HTR5A: variants seen among roughly 807,000 people sequenced by gnomAD.
HTR5A encodes 5-hydroxytryptamine receptor 5A.
A neutral mutation model predicts 24.3 loss-of-function variants in HTR5A; 21 were observed. That is an observed-to-expected ratio of 0.86 (90% CI 0.61 to 1.24). The LOEUF is 1.24. Among genes scored for constraint, HTR5A ranks in the 50% most tolerant of loss-of-function variants. The pLI is 0.00. For missense variants in HTR5A, 497 were observed against 489.5 expected (o/e 1.02, Z -0.15); for synonymous variants, 260 against 213.7 (o/e 1.22, Z -1.89).
chr7:155,075,997 C>T (rs1006389702), intron 1 of HTR5A, among the ~76,000 whole-genome samples: 3 of 152,316 alleles, frequency 2.0e-5, no homozygotes, highest in South Asian at 2.1e-4. Context: ...AATGGCCTAA[C>T]CTATGGCCCT....
chr7:155,073,879 A>G (rs796713065), intron 1 of HTR5A, among the ~76,000 whole-genome samples: 236 of 8,794 alleles, frequency 0.027, 5 homozygotes, highest in Non-Finnish European at 0.036. Context: ...ATATATATGT[A>G]TATATATATG....
chr7:155,070,362 G>A lies in HTR5A; in HGVS notation c.-538G>A, dbSNP rs1183739381. ...CGGAGCTGCAGCCTCCGAAGGGGTG[G>A]CGGGGGCAACAGGGACAGAAGGCAG... is the stretch of plus-strand genomic sequence containing the variant. On this transcript the variant is annotated 5_prime_UTR_variant, in exon 1 of 2. Coordinates refer to ENST00000287907, the MANE Select transcript of HTR5A (RefSeq NM_024012.4). 5 of 454,762 alleles carry A rather than the reference G, an allele frequency of 1.1e-5. No homozygotes were observed. The highest frequency in any genetic ancestry group is 2.2e-5 in the Non-Finnish European group (5 of 226,414). The allele number at this position is 454,762 out of a possible 1,614,324, so 28.2% of individuals were successfully genotyped here. A position where few individuals can be genotyped will look rare whatever the true frequency, so the allele number is the denominator to read the frequency against.
At position 155,071,588 on chromosome 7, in the gene HTR5A, G is replaced by A. The variant is rs910479674; in HGVS notation, c.689G>A (p.Arg230His). The change falls in exon 1 of 2, where the codon CGC becomes CAC. Residue 230 changes from arginine (R) to histidine (H), a missense_variant. Physicochemically the swap from Arg to His is conservative, Grantham distance 29. Coordinates refer to ENST00000287907, the MANE Select transcript of HTR5A (RefSeq NM_024012.4). ...YWKIYKAAKFRVGSRKTNSVS... is the reference protein window; with the variant it reads ...YWKIYKAAKFHVGSRKTNSVS... The stretch of plus-strand genomic sequence containing the variant: ...AAGATCTACAAGGCTGCCAAGTTCC[G>A]CGTGGGCTCCAGGAAGACCAATAGC... 1.2e-6 allele frequency: 2 copies of A among 1,614,040 alleles called. No individual in the cohort carries two copies. The highest frequency in any genetic ancestry group is 1.7e-6 in the Non-Finnish European group (2 of 1,180,046).
At position 155,084,329 on chromosome 7, in the gene HTR5A, C is replaced by A. The variant is rs776532195; in HGVS notation, c.916C>A (p.Leu306Ile). ...LCWIPFFLTE[L>I]ISPLCSCDIP... Reference sequence around the variant, plus strand: ...CTGGATCCCCTTCTTTCTCACCGAGCTCATCAGTCCCCTCTGCTCCTGTGA... The same window carrying A: ...CTGGATCCCCTTCTTTCTCACCGAGATCATCAGTCCCCTCTGCTCCTGTGA... Residue 306 changes from leucine to isoleucine, a missense_variant, in exon 2 of 2, where the codon CTC (leucine) becomes ATC (isoleucine). Physicochemically the swap from Leu to Ile is conservative, Grantham distance 5 (BLOSUM62 2). Transcript: ENST00000287907. 4.3e-6 allele frequency: 7 copies of A among 1,614,044 alleles called. No individual in the cohort carries two copies. The highest frequency in any genetic ancestry group is 5.9e-6 in the Non-Finnish European group (7 of 1,180,044).
intron 1 of HTR5A, among the ~76,000 whole-genome samples, chr7:155,083,815 G>A (rs1325573152): frequency 6.6e-6 from 1 of 152,218 alleles, no homozygotes; most frequent in Non-Finnish European, 1.5e-5. Context: ...GGACACTTTT[G>A]ATGAAGTGTG....
At chr7:155,082,487 C>T (rs1198380952) in intron 1 of HTR5A, among the ~76,000 whole-genome samples, 1 of 152,180 alleles carries the variant, frequency 6.6e-6, no homozygotes, top group African/African-American at 2.4e-5. Flanking sequence ...TACCAGCATC[C>T]TTTATGTGAC....
intron 1 of HTR5A, among the ~76,000 whole-genome samples, chr7:155,080,854 T>G (rs1016359144): frequency 2.6e-5 from 4 of 152,176 alleles, no homozygotes; most frequent in African/African-American, 9.7e-5. Context: ...TGGGATTTTC[T>G]GCTGGAATGG....
intron 1 of HTR5A, among the ~76,000 whole-genome samples, chr7:155,080,346 GA>G (rs1795402369): frequency 6.6e-6 from 1 of 152,160 alleles, no homozygotes; most frequent in African/African-American, 2.4e-5. Context: ...CTTATCCAAG[GA>G]CATAGTTGGT....
chr7:155,070,815 G>A lies in HTR5A; in HGVS notation c.-85G>A, dbSNP rs1016903169. 8 of 1,401,662 alleles carry A rather than the reference G, an allele frequency of 5.7e-6. No individual in the cohort carries two copies. In the East Asian group the frequency reaches 1.2e-4, roughly 20 times the overall value. 86.8% of individuals were successfully genotyped at this position (1,401,662 alleles called of 1,614,324 possible). On this transcript the variant is annotated 5_prime_UTR_variant, in exon 1 of 2. Transcript: ENST00000287907. ...CACTGGCCAGAGGTTGCAAACATCCGGATTGGCTCTGGGCACAGTGGCCGC... is the reference window on the plus strand; with the variant it reads ...CACTGGCCAGAGGTTGCAAACATCCAGATTGGCTCTGGGCACAGTGGCCGC...
intron 1 of HTR5A, chr7:155,077,145 G>T (rs1191387887): frequency 6.6e-6 from 1 of 152,186 alleles, no homozygotes; most frequent in African/African-American, 2.4e-5. Context: ...TACATGCAGT[G>T]TAGGCATTCT....
intron 1 of HTR5A, among the ~76,000 whole-genome samples, chr7:155,075,570 C>G (rs1262907688): frequency 6.6e-6 from 1 of 152,192 alleles, no homozygotes; most frequent in African/African-American, 2.4e-5. Context: ...GACTTCCCAG[C>G]TTTGATCAGG....
chr7:155,070,667 G>T lies in HTR5A; in HGVS notation c.-233G>T. 3.6e-6 allele frequency: 2 copies of T among 556,820 alleles called. No individual in the cohort carries two copies. Among genetic ancestry groups the T allele is most frequent in the South Asian group, 2.3e-5 (1 of 43,632 alleles). 34.5% of individuals were successfully genotyped at this position (556,820 alleles called of 1,614,324 possible). A position where few individuals can be genotyped will look rare whatever the true frequency, so the allele number is the denominator to read the frequency against. On this transcript the variant is annotated 5_prime_UTR_variant, in exon 1 of 2. Transcript: ENST00000287907. ...CCCTGGCTGCGACACGCAGCCCCTC[G>T]CCTCTGCTTCCTTAGCCTCTGAGGG... is the stretch of plus-strand genomic sequence containing the variant.
rs945194447 is a variant in HTR5A at position 155,070,834 on chromosome 7, T to G, written c.-66T>G. 2.4e-5 allele frequency: 36 copies of G among 1,504,072 alleles called. No individual in the cohort carries two copies. In the East Asian group the frequency reaches 6.6e-4, roughly 28 times the overall value. 93.2% of individuals were successfully genotyped at this position (1,504,072 alleles called of 1,614,324 possible). On this transcript the variant is annotated 5_prime_UTR_variant, in exon 1 of 2. Transcript: ENST00000287907. ...ACATCCGGATTGGCTCTGGGCACAGTGGCCGCCTTAAGTCCTCCTGAACAC... is the reference window on the plus strand; with the variant it reads ...ACATCCGGATTGGCTCTGGGCACAGGGGCCGCCTTAAGTCCTCCTGAACAC...
chr7:155,073,905 A>ATATATATATGTGTGTT, intron 1 of HTR5A, among the ~76,000 whole-genome samples: 1 of 88,036 alleles, frequency 1.1e-5, no homozygotes, highest in Non-Finnish European at 2.5e-5. Flanking sequence ...ATATATATAT[A>ATATATATATGTGTGTT]TATATATATA....
At chr7:155,079,790 G>A (rs1795396445) in intron 1 of HTR5A, among the ~76,000 whole-genome samples, 1 of 152,196 alleles carries the variant, frequency 6.6e-6, no homozygotes, top group Non-Finnish European at 1.5e-5. Context: ...TGTGAATAGT[G>A]TCTCAGGGTC....
rs1316980865 is a variant in HTR5A, at chr7:155,086,759, T to C, written c.*2272T>C. 3.9e-5 allele frequency among the ~76,000 whole-genome samples: 6 copies of C among 152,258 alleles called. No homozygotes were observed. The highest frequency in any genetic ancestry group is 8.8e-5 in the Non-Finnish European group (6 of 68,038). The stretch of plus-strand genomic sequence containing the variant: ...CCTGGTAAGAAATGTAGACATTCAT[T>C]GACTTTGAGTCTCTACTATGCAAAT... On this transcript the variant is annotated 3_prime_UTR_variant, in exon 2 of 2. Coordinates refer to ENST00000287907, the MANE Select transcript of HTR5A (RefSeq NM_024012.4).
intron 1 of HTR5A, among the ~76,000 whole-genome samples, chr7:155,083,089 TAGTA>T (rs1026968489): frequency 2.1e-5 from 3 of 143,942 alleles, no homozygotes; most frequent in Admixed American, 2.1e-4. Context: ...TTCCATGTGA[TAGTA>T]AGTCAGTTCC....
Position 155,084,311 on chromosome 7 carries a change from C to G in HTR5A, c.898C>G (p.Pro300Ala). 6.2e-7 allele frequency: 1 copy of G among 1,614,150 alleles called. No homozygotes were observed. Among genetic ancestry groups the G allele is most frequent in the Non-Finnish European group, 8.5e-7 (1 of 1,180,030 alleles). Reference protein sequence around the residue: ...LIGVFVLCWIPFFLTELISPL... With the variant: ...LIGVFVLCWIAFFLTELISPL... The stretch of plus-strand genomic sequence containing the variant: ...TGGCGTGTTCGTGCTCTGCTGGATC[C>G]CCTTCTTTCTCACCGAGCTCATCAG... Residue 300 changes from proline to alanine, a missense_variant, in exon 2 of 2, where the codon CCC (proline) becomes GCC (alanine). Coordinates refer to ENST00000287907, the MANE Select transcript of HTR5A (RefSeq NM_024012.4).
Position 155,073,961 on chromosome 7 carries a change from T to C in HTR5A, c.741+2321T>C, listed in dbSNP as rs538909290. On this transcript the variant is annotated intron_variant, in intron 1 of 1. Coordinates refer to ENST00000287907, the MANE Select transcript of HTR5A (RefSeq NM_024012.4). ...TCTCTCTCTACTTTTCCCAGATCAG[T>C]TTTTTAAATGGGCCCCTTGGCTTAG... is the stretch of plus-strand genomic sequence containing the variant. Among the ~76,000 whole-genome samples, 8 of 146,824 alleles carry C rather than the reference T, an allele frequency of 5.4e-5. No individual in the cohort carries two copies. The East Asian group carries it at 1.6e-3, about 29-fold the overall frequency.
Sources: allele counts gnomAD v4.1 joint callset (sites outside exome capture counted in the v4.1 genomes callset), GRCh38; gene constraint gnomAD v4.1.1; transcripts MANE v1.5; gene names NCBI Gene and HGNC (gene_info 2026-07-23, HGNC 2026-07-21).